Variants in ERCC5 observed in about 807,000 individuals in gnomAD.
ERCC5 encodes ERCC excision repair 5, endonuclease.
ERCC5 carries 68 observed loss-of-function variants against 105.6 expected under a neutral mutation model. The ratio of observed to expected loss-of-function variants is 0.64; its 90% confidence interval spans 0.53 to 0.79. ERCC5 has a LOEUF of 0.79. Among genes scored for constraint, ERCC5 ranks in the 30% least tolerant of loss-of-function variants. ERCC5 has a pLI of 0.00. For synonymous variants in ERCC5, 546 were observed against 526.2 expected (o/e 1.04, Z -0.51); for missense variants, 1,373 against 1,426.7 (o/e 0.96, Z 0.61).
rs1882796594 is a variant in ERCC5 at position 102,865,431 on chromosome 13, C to G, written c.1955-236C>G. On this transcript the variant is annotated intron_variant, in intron 8 of 14. Coordinates refer to ENST00000652225, the MANE Select transcript of ERCC5 (RefSeq NM_000123.4). The surrounding 1 kb of genome is among the most constrained non-coding windows in gnomAD (Gnocchi z 4.0). ...GAATATACAAATCTTAAGAGAGTTTCCTACTTTCAAAGACAGTGCCAGTTT... is the reference window on the plus strand; with the variant it reads ...GAATATACAAATCTTAAGAGAGTTTGCTACTTTCAAAGACAGTGCCAGTTT... The G allele has an allele frequency of 4.1e-6, 2 of 493,810 alleles. No homozygotes were observed. Among genetic ancestry groups the G allele is most frequent in the Non-Finnish European group, 7.3e-6 (2 of 275,316 alleles). The allele number at this position is 493,810 out of a possible 1,614,324, so 30.6% of individuals were successfully genotyped here. A position where few individuals can be genotyped will look rare whatever the true frequency, so the allele number is the denominator to read the frequency against.
chr13:102,868,339 T>A, intron 12 of ERCC5, 82 bp downstream of exon 12: 18 of 1,522,524 alleles, frequency 1.2e-5, no homozygotes, highest in African/African-American at 1.4e-5. Context: ...CAGCATGAAC[T>A]GTCATGCTGT....
chr13:102,849,623 A>G (rs1882120558), intron 1 of ERCC5, among the ~76,000 whole-genome samples: 1 of 152,210 alleles, frequency 6.6e-6, no homozygotes, highest in Non-Finnish European at 1.5e-5. Flanking sequence ...ACATTCATTT[A>G]AATACTAAAC....
intron 6 of ERCC5, among the ~76,000 whole-genome samples, chr13:102,858,701 C>T (rs942477931): frequency 5.9e-5 from 9 of 152,220 alleles, no homozygotes; most frequent in Non-Finnish European, 7.4e-5. Flanking sequence ...GTTCTTAGTT[C>T]CAAAACACGC....
At position 102,875,326 on chromosome 13, in the gene ERCC5, C is replaced by G. The variant is rs756730021; in HGVS notation, c.2984C>G (p.Ser995Cys). Residue 995 changes from serine (S) to cysteine (C), a missense_variant, in exon 15 of 15, where the codon TCC (serine) becomes TGC (cysteine). Physicochemically the swap from Ser to Cys is moderately radical, Grantham distance 112. Around this residue, in one of 3 missense-constraint regions of ERCC5, gnomAD observed 367 missense variants for 350.2 expected, o/e 1.05. Coordinates refer to ENST00000652225, the MANE Select transcript of ERCC5 (RefSeq NM_000123.4). ...TTTTAGACACAGCTCCGAATTGATTCCTTCTTTAGATTAGCACAACAGGAG... is the reference window on the plus strand; with the variant it reads ...TTTTAGACACAGCTCCGAATTGATTGCTTCTTTAGATTAGCACAACAGGAG... The part of the protein sequence containing the change: ...DAQQTQLRID[S>C]FFRLAQQEKE... 21 of 1,613,736 alleles carry G rather than the reference C, an allele frequency of 1.3e-5. No individual in the cohort carries two copies. In the South Asian group the frequency reaches 2.0e-4, roughly 15 times the overall value.
chr13:102,866,886 C>T (rs1174227248), intron 11 of ERCC5, 41 bp downstream of exon 11: 1 of 1,564,828 alleles, frequency 6.4e-7, no homozygotes, highest in Non-Finnish European at 8.7e-7. Flanking sequence ...CTGACATTTA[C>T]CTTCAGAGTT....
At chr13:102,846,564 C>T (rs893585308) in intron 1 of ERCC5, among the ~76,000 whole-genome samples, 1 of 152,110 alleles carries the variant, frequency 6.6e-6, no homozygotes, top group Non-Finnish European at 1.5e-5. Flanking sequence ...CCGTATACCA[C>T]GATGTTCAAG....
At chr13:102,855,491 T>C (rs1294737306) in intron 4 of ERCC5, among the ~76,000 whole-genome samples, 1 of 152,184 alleles carries the variant, frequency 6.6e-6, no homozygotes, top group Non-Finnish European at 1.5e-5. Flanking sequence ...CCTCAAGTGA[T>C]CCACCTGCCT....
In ERCC5 at chr13:102,866,797, A is replaced by G; in HGVS notation, c.2485A>G (p.Asn829Asp). 1 of 1,614,030 alleles carries G rather than the reference A, an allele frequency of 6.2e-7. No individual in the cohort carries two copies. The highest frequency in any genetic ancestry group is 2.2e-5 in the East Asian group (1 of 44,870). The change falls in exon 11 of 15, where the codon AAC becomes GAC. Residue 829 changes from asparagine (N) to aspartate (D), a missense_variant. Asn to Asp is a conservative substitution (Grantham distance 23). Transcript: ENST00000652225. ...RHVYRNFFNK[N>D]KFVEYYQYVD... The stretch of plus-strand genomic sequence containing the variant: ...TGTCTATAGAAACTTTTTTAATAAA[A>G]ACAAGTTTGTAGAATATTATCAATA...
chr13:102,857,710 A>G (rs1254354515), intron 5 of ERCC5, among the ~76,000 whole-genome samples: 2 of 152,204 alleles, frequency 1.3e-5, no homozygotes, highest in Non-Finnish European at 2.9e-5. Context: ...TGAATTCCTA[A>G]GGCACATTCT....
At chr13:102,869,053 G>C (rs1882943751) in intron 12 of ERCC5, among the ~76,000 whole-genome samples, 1 of 152,194 alleles carries the variant, frequency 6.6e-6, no homozygotes. Context: ...GTGAGATGCT[G>C]TTTGGTGGTG....
At position 102,865,276 on chromosome 13, in the gene ERCC5, T is replaced by G; in HGVS notation, c.1955-391T>G. The G allele has an allele frequency of 3.7e-6, 1 of 273,156 alleles. No individual in the cohort carries two copies. The highest frequency in any genetic ancestry group is 7.1e-6 in the Non-Finnish European group (1 of 140,446). The allele number at this position is 273,156 out of a possible 1,614,324, so 16.9% of individuals were successfully genotyped here. ...GAAGAACTATTTCTTAGTCACAGCT[T>G]TATTCTGTGCTGTGTAAATAGCATA... On this transcript the variant is annotated intron_variant, in intron 8 of 14. Transcript: ENST00000652225. This position sits in a 1 kb window ranked among gnomAD's most constrained non-coding sequence, Gnocchi z 4.0.
Position 102,875,557 on chromosome 13 carries a change from G to T in ERCC5, c.3215G>T (p.Arg1072Ile). The T allele has an allele frequency of 6.2e-7, 1 of 1,612,844 alleles. No homozygotes were observed. The highest frequency in any genetic ancestry group is 8.5e-7 in the Non-Finnish European group (1 of 1,179,564). Residue 1072 changes from arginine (R) to isoleucine (I), a missense_variant, in exon 15 of 15, where the codon AGA (arginine) becomes ATA (isoleucine). Physicochemically the swap from Arg to Ile is moderately conservative, Grantham distance 97 (BLOSUM62 -3). Around this residue, in one of 3 missense-constraint regions of ERCC5, gnomAD observed 367 missense variants for 350.2 expected, o/e 1.05. Coordinates refer to ENST00000652225, the MANE Select transcript of ERCC5 (RefSeq NM_000123.4). The part of the protein sequence containing the change: ...NTLEESSSLK[R>I]KRLSDSKGKN... ...TTAGAAGAGTCATCAAGCCTGAAAA[G>T]AAAGAGGCTTTCAGATTCTAAAGGA...
chr13:102,851,512 C>G (rs976462719), intron 1 of ERCC5, among the ~76,000 whole-genome samples: 37 of 152,078 alleles, frequency 2.4e-4, no homozygotes, highest in African/African-American at 8.0e-4. Flanking sequence ...CCAGGATGGT[C>G]TCGATCTCTT....
chr13:102,861,731 T>C lies in ERCC5; in HGVS notation c.880+17T>C. The C allele has an allele frequency of 1.2e-6, 2 of 1,613,838 alleles. No homozygotes were observed. Among genetic ancestry groups the C allele is most frequent in the Non-Finnish European group, 8.5e-7 (1 of 1,179,816 alleles). On this transcript the variant is annotated intron_variant, in intron 7 of 14. Transcript: ENST00000652225. The stretch of plus-strand genomic sequence containing the variant: ...TGATAAAAGGTATCAGGCACCATCA[T>C]TTATATATTTACATTAAAAAATCAA...
chr13:102,849,291 C>G (rs765570774), intron 1 of ERCC5: 3 of 518,460 alleles, frequency 5.8e-6, no homozygotes, highest in Non-Finnish European at 1.2e-5. Context: ...TCCTTATAAT[C>G]TGTTCTTCAC....
At chr13:102,858,151 T>G in intron 5 of ERCC5, 124 bp from the exon 6 acceptor site, 1 of 1,379,496 alleles carries the variant, frequency 7.2e-7, no homozygotes, top group African/African-American at 1.4e-5. Flanking sequence ...TGCAACTGTG[T>G]TTAGCCAATT....
Position 102,866,252 on chromosome 13 carries a change from CATTTT to C in ERCC5, c.2200-7_2200-3del, listed in dbSNP as rs754816382. ...TAATATAAATCTATAAATGAAAAAA[CATTTT>C]ATAGGAGGAGTTGGAAACTCTGGAG... On this transcript the variant is annotated splice_region_variant and splice_polypyrimidine_tract_variant and intron_variant, in intron 9 of 14. Transcript: ENST00000652225. The C allele has an allele frequency of 1.9e-6, 3 of 1,613,684 alleles. No homozygotes were observed. The highest frequency in any genetic ancestry group is 2.7e-5 in the African/African-American group (2 of 74,868).
In ERCC5 at chr13:102,866,388, G is replaced by T; in HGVS notation, c.2319+7G>T. 1 of 1,614,116 alleles carries T rather than the reference G, an allele frequency of 6.2e-7. No individual in the cohort carries two copies. On this transcript the variant is annotated splice_region_variant and intron_variant, in intron 10 of 14. Transcript: ENST00000652225. ...GATGTTCCTGGAAAGCCAGGTGGGTGCAGGCAGCTTGGGTTTCCTTTACCA... is the reference window on the plus strand; with the variant it reads ...GATGTTCCTGGAAAGCCAGGTGGGTTCAGGCAGCTTGGGTTTCCTTTACCA...
intron 1 of ERCC5, among the ~76,000 whole-genome samples, chr13:102,847,660 C>T (rs1882028897): frequency 6.6e-6 from 1 of 152,044 alleles, no homozygotes. Flanking sequence ...TTGGGGAAAG[C>T]CAAAGGATTT....
Sources: allele counts gnomAD v4.1 joint callset (sites outside exome capture counted in the v4.1 genomes callset), GRCh38; gene constraint gnomAD v4.1.1; regional missense constraint gnomAD v4.1.1; non-coding constraint Gnocchi (gnomAD v3.1); transcripts MANE v1.5; gene names NCBI Gene and HGNC (gene_info 2026-07-23, HGNC 2026-07-21).